The following KLHL14 variants were observed in gnomAD, a reference collection of about 807,000 sequenced individuals.
KLHL14 encodes the protein kelch-like protein 14.
A neutral mutation model predicts 64.3 loss-of-function variants in KLHL14; 22 were observed. The ratio of observed to expected loss-of-function variants is 0.34; its 90% CI spans 0.24 to 0.49. KLHL14 has a LOEUF of 0.49. KLHL14 is among the 20% of genes least tolerant of loss of function. The pLI is 0.99. For missense variants in KLHL14, 661 were observed against 789.0 expected, an observed-to-expected ratio of 0.84 and a Z score of 1.94; for synonymous variants, 322 against 333.4, an observed-to-expected ratio of 0.97 and a Z score of 0.37.
chr18:32,748,152 G>C (rs1266704276), intron 2 of KLHL14, among the ~76,000 whole-genome samples: 1 of 152,104 alleles, frequency 6.6e-6, no homozygotes, highest in Non-Finnish European at 1.5e-5. Flanking sequence ...GCTAAGGTGA[G>C]ATGCCTGGTT....
rs1021754269 is a variant in KLHL14 at position 32,674,477 on chromosome 18, T to C, written c.*180A>G. ...AGGAAGTTTGGTGCGATCTGAGTTA[T>C]AGACATAGTATCTGTTCAAGAACAG... On this transcript the variant is annotated 3_prime_UTR_variant, in exon 9 of 9. Coordinates refer to ENST00000359358, the MANE Select transcript of KLHL14 (RefSeq NM_020805.3). 45 of 539,964 alleles carry C rather than the reference T, an allele frequency of 8.3e-5. 1 individual carries two copies. The South Asian group carries it at 1.3e-3, about 16-fold the overall frequency. 33.4% of individuals were successfully genotyped at this position (539,964 alleles called of 1,614,324 possible).
chr18:32,768,390 G>GACACACACAC (rs10567081), intron 2 of KLHL14, among the ~76,000 whole-genome samples: 180 of 141,676 alleles, frequency 1.3e-3, no homozygotes, highest in East Asian at 3.5e-3. Flanking sequence ...GAAACATAAT[G>GACACACACAC]ACACACACAC....
At chr18:32,698,076 C>G (rs1245266044) in intron 3 of KLHL14, among the ~76,000 whole-genome samples, 2 of 152,132 alleles carry the variant, frequency 1.3e-5, no homozygotes, top group Non-Finnish European at 1.5e-5. Context: ...TATATTCAAT[C>G]AATGTTTGAA....
chr18:32,769,459 T>C (rs1247911130), intron 2 of KLHL14, among the ~76,000 whole-genome samples, 186 bp downstream of exon 2: 1 of 152,204 alleles, frequency 6.6e-6, no homozygotes, highest in Non-Finnish European at 1.5e-5. Context: ...CAGTTCCCTA[T>C]TGACCTTTCA....
intron 3 of KLHL14, among the ~76,000 whole-genome samples, chr18:32,716,002 C>G (rs927567206): frequency 1.3e-5 from 2 of 152,098 alleles, no homozygotes; most frequent in South Asian, 2.1e-4. Flanking sequence ...TACTAAAAAG[C>G]CTTAATGGTG....
At chr18:32,751,986 G>A (rs2050255094) in intron 2 of KLHL14, among the ~76,000 whole-genome samples, 1 of 152,100 alleles carries the variant, frequency 6.6e-6, no homozygotes, top group Non-Finnish European at 1.5e-5. Context: ...AATTAGCTGG[G>A]GGTTGTGGCG....
chr18:32,741,584 G>A (rs1317068793), intron 3 of KLHL14, among the ~76,000 whole-genome samples: 8 of 152,110 alleles, frequency 5.3e-5, no homozygotes, highest in African/African-American at 1.9e-4. Context: ...ACTAGCGAAC[G>A]CCATAAACCA....
At chr18:32,679,261 GA>G (rs1170112913) in intron 7 of KLHL14, among the ~76,000 whole-genome samples, 3 of 152,020 alleles carry the variant, frequency 2.0e-5, no homozygotes, top group East Asian at 3.9e-4. Flanking sequence ...TAGGAAAATA[GA>G]AAAAACATCT....
At chr18:32,698,863 T>C (rs1464454039) in intron 3 of KLHL14, among the ~76,000 whole-genome samples, 1 of 152,154 alleles carries the variant, frequency 6.6e-6, no homozygotes, top group African/African-American at 2.4e-5. Flanking sequence ...AATTCTATTC[T>C]AGTCTTGGGA....
chr18:32,705,709 C>G (rs8089920), intron 3 of KLHL14, among the ~76,000 whole-genome samples: 5,607 of 152,250 alleles, frequency 0.037, 247 homozygotes, highest in African/African-American at 0.1. Flanking sequence ...GGTGACAGAG[C>G]AAGACTGTCT....
intron 5 of KLHL14, among the ~76,000 whole-genome samples, chr18:32,686,022 T>G (rs1188124897): frequency 6.6e-6 from 1 of 151,168 alleles, no homozygotes; most frequent in Non-Finnish European, 1.5e-5. Flanking sequence ...CTTTTTTTTT[T>G]TTTTTTTGAG....
At position 32,708,318 on chromosome 18, in the gene KLHL14, G is replaced by A. The variant is rs563620299; in HGVS notation, c.1070-12766C>T. 3.3e-5 allele frequency among the ~76,000 whole-genome samples: 5 copies of A among 152,158 alleles called. No homozygotes were observed. In the South Asian group the frequency reaches 8.3e-4, roughly 25 times the overall value. On this transcript the variant is annotated intron_variant, in intron 3 of 8. Transcript: ENST00000359358. ...ATTTGCCAGTGAAATTGGCATTATC[G>A]CCCTTTTTATTCCATAGGGACATTT...
intron 4 of KLHL14, among the ~76,000 whole-genome samples, chr18:32,693,107 C>A (rs1390898395): frequency 6.6e-6 from 1 of 152,146 alleles, no homozygotes; most frequent in African/African-American, 2.4e-5. Flanking sequence ...CTCATGGTCA[C>A]GGCGGCTCCT....
intron 3 of KLHL14, among the ~76,000 whole-genome samples, chr18:32,704,604 C>T (rs958285983): frequency 6.6e-6 from 1 of 152,084 alleles, no homozygotes; most frequent in African/African-American, 2.4e-5. Context: ...CACCTCTAAT[C>T]CCAGCTACTT....
intron 4 of KLHL14, among the ~76,000 whole-genome samples, chr18:32,693,433 G>GAT (rs1374615967): frequency 6.6e-6 from 1 of 151,106 alleles, no homozygotes; most frequent in African/African-American, 2.4e-5. Context: ...GAGAGAGAGA[G>GAT]AGAGAGAGAG....
chr18:32,688,408 A>G (rs902131738), intron 4 of KLHL14, among the ~76,000 whole-genome samples: 1 of 152,216 alleles, frequency 6.6e-6, no homozygotes, highest in African/African-American at 2.4e-5. Flanking sequence ...GGTATGCAAG[A>G]AAGATGTAGT....
At chr18:32,729,446 A>T (rs1428607346) in intron 3 of KLHL14, among the ~76,000 whole-genome samples, 2 of 152,360 alleles carry the variant, frequency 1.3e-5, no homozygotes, top group East Asian at 3.9e-4. Flanking sequence ...AAGATACAGG[A>T]CATTTCCATC....
chr18:32,699,751 A>G (rs553135513), intron 3 of KLHL14, among the ~76,000 whole-genome samples: 10 of 152,268 alleles, frequency 6.6e-5, no homozygotes, highest in African/African-American at 2.4e-4. Flanking sequence ...AAATGTGTTT[A>G]TTACTATGAT....
chr18:32,688,972 T>C (rs1209063401), intron 4 of KLHL14, among the ~76,000 whole-genome samples: 1 of 152,182 alleles, frequency 6.6e-6, no homozygotes, highest in Non-Finnish European at 1.5e-5. Context: ...TAAAATTTCC[T>C]GAGGGCTTGA....
Sources: allele counts gnomAD v4.1 joint callset (sites outside exome capture counted in the v4.1 genomes callset), GRCh38; gene constraint gnomAD v4.1.1; transcripts MANE v1.5; gene names NCBI Gene and HGNC (gene_info 2026-07-23, HGNC 2026-07-21).